The following EDIL3 variants were observed in gnomAD, a reference collection of about 807,000 sequenced individuals.
EDIL3 encodes the protein EGF like and discoidin domains 3.
A neutral mutation model predicts 67.4 loss-of-function variants in EDIL3; 37 were observed. The ratio of observed to expected loss-of-function variants is 0.55; its 90% CI spans 0.42 to 0.72. The LOEUF is 0.72. EDIL3 is among the 30% of genes least tolerant of loss of function. The pLI is 0.00. For synonymous variants in EDIL3, 195 were observed against 196.3 expected (o/e 0.99, Z 0.05); for missense variants, 527 against 586.3 (o/e 0.90, Z 1.04).
At chr5:84,153,887 C>T (rs1748443810) in intron 4 of EDIL3, among the ~76,000 whole-genome samples, 2 of 152,224 alleles carry the variant, frequency 1.3e-5, no homozygotes, top group Non-Finnish European at 1.5e-5. Flanking sequence ...CCATGGCATA[C>T]GATACTCATG....
intron 9 of EDIL3, among the ~76,000 whole-genome samples, chr5:84,010,138 C>T (rs563018668): frequency 1.9e-4 from 29 of 152,206 alleles, no homozygotes; most frequent in South Asian, 4.1e-4. Flanking sequence ...TTAGTACTTA[C>T]ATTTCAGGCT....
chr5:83,943,327 AAC>A lies in EDIL3; in HGVS notation c.*90_*91del. On this transcript the variant is annotated 3_prime_UTR_variant, in exon 11 of 11. Coordinates refer to ENST00000296591, the MANE Select transcript of EDIL3 (RefSeq NM_005711.5). The stretch of plus-strand genomic sequence containing the variant: ...CACTTTTTCATGAAAAAAAAAAAAA[AAC>A]CATTCAGTTTCCTACAGATTTTGCA... 5.2e-6 allele frequency: 8 copies of A among 1,537,046 alleles called. No individual in the cohort carries two copies. Among genetic ancestry groups the A allele is most frequent in the East Asian group, 4.6e-5 (2 of 43,478 alleles).
intron 5 of EDIL3, among the ~76,000 whole-genome samples, chr5:84,111,283 C>G (rs183629093): frequency 3.9e-5 from 6 of 152,114 alleles, no homozygotes; most frequent in African/African-American, 1.4e-4. Flanking sequence ...TGTGAATGAA[C>G]TAATACAGGC....
At chr5:84,320,451 C>T (rs1451051723) in intron 1 of EDIL3, among the ~76,000 whole-genome samples, 2 of 151,858 alleles carry the variant, frequency 1.3e-5, no homozygotes, top group Non-Finnish European at 2.9e-5. Context: ...TGTATATTCG[C>T]TCAAGTTTGA....
chr5:84,132,483 A>AAC, intron 5 of EDIL3, among the ~76,000 whole-genome samples: 1 of 5,454 alleles, frequency 1.8e-4, no homozygotes, highest in African/African-American at 5.5e-4. Context: ...TATATATTTT[A>AAC]ATATATATTA....
intron 6 of EDIL3, among the ~76,000 whole-genome samples, chr5:84,083,113 T>G (rs1240836727): frequency 6.6e-6 from 1 of 152,204 alleles, no homozygotes; most frequent in Non-Finnish European, 1.5e-5. Context: ...GGTACTACGT[T>G]TAAATATTTA....
At chr5:84,047,835 T>A (rs1265168901) in intron 9 of EDIL3, 2 of 152,392 alleles carry the variant, frequency 1.3e-5, no homozygotes, top group African/African-American at 4.8e-5. Flanking sequence ...CACTTTTGTT[T>A]GCACTTAAGT....
At chr5:84,301,161 G>A (rs941258837) in intron 1 of EDIL3, among the ~76,000 whole-genome samples, 37 of 152,068 alleles carry the variant, frequency 2.4e-4, no homozygotes, top group African/African-American at 7.5e-4. Flanking sequence ...CCGGCTACTC[G>A]GGAGGCTGAG....
chr5:83,952,700 T>C (rs895937031), intron 10 of EDIL3, among the ~76,000 whole-genome samples: 3 of 151,836 alleles, frequency 2.0e-5, no homozygotes, highest in Non-Finnish European at 2.9e-5. Context: ...AATCACACTA[T>C]GTATTTTCCA....
intron 5 of EDIL3, among the ~76,000 whole-genome samples, chr5:84,133,019 T>C (rs571693741): frequency 2.4e-4 from 37 of 152,236 alleles, no homozygotes; most frequent in African/African-American, 8.4e-4. Flanking sequence ...GTGCCAGTGA[T>C]AAAAATGAAT....
intron 3 of EDIL3, among the ~76,000 whole-genome samples, chr5:84,185,198 T>C (rs191223026): frequency 6.6e-6 from 1 of 152,254 alleles, no homozygotes; most frequent in Non-Finnish European, 1.5e-5. Flanking sequence ...TAAGCCACAT[T>C]TCCTACCATG....
intron 1 of EDIL3, among the ~76,000 whole-genome samples, chr5:84,298,527 T>C (rs1746094106): frequency 6.6e-6 from 1 of 152,138 alleles, no homozygotes; most frequent in Non-Finnish European, 1.5e-5. Context: ...CTGGGCTTAA[T>C]ACCAAGGTGA....
At chr5:84,205,066 C>T (rs113773085) in intron 3 of EDIL3, among the ~76,000 whole-genome samples, 1,566 of 143,772 alleles carry the variant, frequency 0.011, 33 homozygotes, top group African/African-American at 0.039. Flanking sequence ...GCACATGCCA[C>T]CATGCCCTGG....
intron 3 of EDIL3, among the ~76,000 whole-genome samples, chr5:84,217,983 G>A (rs1328115012): frequency 6.6e-6 from 1 of 152,000 alleles, no homozygotes; most frequent in African/African-American, 2.4e-5. Flanking sequence ...CACAATCTAA[G>A]TATTCATAAT....
chr5:84,320,250 T>C (rs1461241620), intron 1 of EDIL3, among the ~76,000 whole-genome samples: 1 of 152,180 alleles, frequency 6.6e-6, no homozygotes, highest in African/African-American at 2.4e-5. Context: ...TAAAGTATAC[T>C]GATTGAGAGA....
At chr5:84,128,297 C>A (rs1747901648) in intron 5 of EDIL3, among the ~76,000 whole-genome samples, 1 of 152,074 alleles carries the variant, frequency 6.6e-6, no homozygotes, top group Non-Finnish European at 1.5e-5. Flanking sequence ...ATTCTTTCTT[C>A]TCTTCTGAGA....
intron 9 of EDIL3, among the ~76,000 whole-genome samples, chr5:84,023,424 T>C (rs967867476): frequency 3.9e-5 from 6 of 152,062 alleles, no homozygotes; most frequent in Admixed American, 6.6e-5. Context: ...TTTAACTTTA[T>C]ATATTTCGAG....
Position 84,333,639 on chromosome 5 carries a change from T to C in EDIL3, c.67+50669A>G, listed in dbSNP as rs372632190. Among the ~76,000 whole-genome samples, 29 of 152,282 alleles carry C rather than the reference T, an allele frequency of 1.9e-4. No individual in the cohort carries two copies. The South Asian group carries it at 3.1e-3, about 16-fold the overall frequency. ...AAATTTTGGAAGCATACACTTTTCATTAATTAGACTAAAAGGCCTTAAAGT... is the reference window on the plus strand; with the variant it reads ...AAATTTTGGAAGCATACACTTTTCACTAATTAGACTAAAAGGCCTTAAAGT... On this transcript the variant is annotated intron_variant, in intron 1 of 10. Coordinates refer to ENST00000296591, the MANE Select transcript of EDIL3 (RefSeq NM_005711.5).
chr5:83,954,121 G>T (rs1409504533), intron 10 of EDIL3, among the ~76,000 whole-genome samples: 1 of 151,716 alleles, frequency 6.6e-6, no homozygotes, highest in Non-Finnish European at 1.5e-5. Context: ...TTAACATATT[G>T]CAGCTGATGG....
Sources: allele counts gnomAD v4.1 joint callset (sites outside exome capture counted in the v4.1 genomes callset), GRCh38; gene constraint gnomAD v4.1.1; transcripts MANE v1.5; gene names NCBI Gene and HGNC (gene_info 2026-07-23, HGNC 2026-07-21).